KCTD8: variants seen among roughly 807,000 people sequenced by gnomAD.
KCTD8 encodes BTB/POZ domain-containing protein KCTD8.
In KCTD8, 27 loss-of-function variants were observed where a neutral mutation model predicts 31.5. That is an observed-to-expected ratio of 0.86 (90% confidence interval 0.63 to 1.18). The LOEUF is 1.18. Ranked by LOEUF, KCTD8 falls within the 50% of genes most tolerant of loss-of-function variation. The probability of loss-of-function intolerance (pLI) is 0.00; values close to 1 mark genes in which losing one functional copy is unlikely to be tolerated. For missense variants in KCTD8, 658 were observed against 647.7 expected, an observed-to-expected ratio of 1.02 and a Z score of -0.17; for synonymous variants, 290 against 280.0, an observed-to-expected ratio of 1.04 and a Z score of -0.36.
chr4:44,218,559 C>T (rs901528605), intron 1 of KCTD8, among the ~76,000 whole-genome samples: 14 of 149,264 alleles, frequency 9.4e-5, no homozygotes, highest in Admixed American at 6.7e-4. Flanking sequence ...TCTCATGTAA[C>T]CCATAAATAT....
chr4:44,363,416 C>T lies in KCTD8; in HGVS notation c.961+84147G>A, dbSNP rs903705619. On this transcript the variant is annotated intron_variant, in intron 1 of 1. Coordinates refer to ENST00000360029, the MANE Select transcript of KCTD8 (RefSeq NM_198353.3). Reference sequence around the variant, plus strand: ...GATCAGGAGGAGCTCAGGCAACTAGCTGAAAACTCTGCTTCCAGCATCAAA... The same window carrying T: ...GATCAGGAGGAGCTCAGGCAACTAGTTGAAAACTCTGCTTCCAGCATCAAA... Among the ~76,000 whole-genome samples, 46 of 152,176 alleles carry T rather than the reference C, an allele frequency of 3.0e-4. 1 individual carries two copies. Among genetic ancestry groups the T allele is most frequent in the African/African-American group, 9.6e-4 (40 of 41,452 alleles).
intron 1 of KCTD8, among the ~76,000 whole-genome samples, chr4:44,266,995 AG>A (rs1343127018): frequency 6.6e-6 from 1 of 152,142 alleles, no homozygotes; most frequent in Admixed American, 6.5e-5. Flanking sequence ...CGAGACAAAA[AG>A]TTAACAAGGA....
chr4:44,284,158 G>T (rs1253999301), intron 1 of KCTD8, among the ~76,000 whole-genome samples: 1 of 152,000 alleles, frequency 6.6e-6, no homozygotes. Context: ...CCAAAAAAGA[G>T]CCCACATAGC....
At chr4:44,407,410 A>G (rs1720827364) in intron 1 of KCTD8, among the ~76,000 whole-genome samples, 1 of 144,820 alleles carries the variant, frequency 6.9e-6, no homozygotes, top group African/African-American at 2.6e-5. Flanking sequence ...TTTTGGAGAT[A>G]CAGTTTCACT....
At chr4:44,427,020 T>C (rs1335077907) in intron 1 of KCTD8, among the ~76,000 whole-genome samples, 1 of 151,704 alleles carries the variant, frequency 6.6e-6, no homozygotes, top group Non-Finnish European at 1.5e-5. Flanking sequence ...CAATTCACTA[T>C]ACTAGTAGAC....
chr4:44,437,136 A>G (rs1721672766), intron 1 of KCTD8, among the ~76,000 whole-genome samples: 1 of 151,690 alleles, frequency 6.6e-6, no homozygotes, highest in Non-Finnish European at 1.5e-5. Context: ...AAAGCAACTC[A>G]CAAGTCCCAT....
chr4:44,246,143 C>G (rs766362169), intron 1 of KCTD8, among the ~76,000 whole-genome samples: 21 of 152,030 alleles, frequency 1.4e-4, no homozygotes, highest in Non-Finnish European at 1.6e-4. Flanking sequence ...TCCTTCTAAT[C>G]TATCCTAACA....
At chr4:44,407,151 A>T (rs774889818) in intron 1 of KCTD8, among the ~76,000 whole-genome samples, 1 of 152,060 alleles carries the variant, frequency 6.6e-6, no homozygotes, top group Non-Finnish European at 1.5e-5. Context: ...TATTATCATG[A>T]TTCTTCCAAT....
intron 1 of KCTD8, among the ~76,000 whole-genome samples, chr4:44,243,461 T>C (rs1038553296): frequency 3.3e-5 from 5 of 152,220 alleles, no homozygotes; most frequent in South Asian, 2.1e-4. Context: ...CCTCTGAGAC[T>C]ATATGCATAC....
At chr4:44,227,906 C>T (rs962803723) in intron 1 of KCTD8, among the ~76,000 whole-genome samples, 16 of 152,274 alleles carry the variant, frequency 1.1e-4, no homozygotes, top group African/African-American at 1.9e-4. Flanking sequence ...ATATTTCATA[C>T]TCCTGTCATT....
At chr4:44,357,321 T>C (rs1036721748) in intron 1 of KCTD8, among the ~76,000 whole-genome samples, 2 of 152,198 alleles carry the variant, frequency 1.3e-5, no homozygotes, top group Admixed American at 1.3e-4. Flanking sequence ...TCTCCTTTTC[T>C]CCCTTCTCTT....
intron 1 of KCTD8, among the ~76,000 whole-genome samples, chr4:44,276,088 A>G (rs918062558): frequency 2.6e-5 from 4 of 152,016 alleles, no homozygotes; most frequent in African/African-American, 9.7e-5. Context: ...GGTAGAAGCC[A>G]TCTGACCTGG....
chr4:44,401,151 C>A (rs973703624), intron 1 of KCTD8, among the ~76,000 whole-genome samples: 4 of 151,430 alleles, frequency 2.6e-5, no homozygotes, highest in African/African-American at 9.7e-5. Context: ...CCATGCCCAG[C>A]CAATTTTTTT....
At chr4:44,217,243 T>C (rs1440225609) in intron 1 of KCTD8, among the ~76,000 whole-genome samples, 1 of 152,094 alleles carries the variant, frequency 6.6e-6, no homozygotes, top group Non-Finnish European at 1.5e-5. Flanking sequence ...CCAAAATCAT[T>C]TTAAAAAGAA....
At chr4:44,317,314 A>T (rs1718163282) in intron 1 of KCTD8, among the ~76,000 whole-genome samples, 1 of 115,944 alleles carries the variant, frequency 8.6e-6, no homozygotes, top group Non-Finnish European at 1.6e-5. Flanking sequence ...ATCTCGGCTC[A>T]CTGCAAGCTC....
chr4:44,192,926 C>A (rs1484399979), intron 1 of KCTD8, among the ~76,000 whole-genome samples: 3 of 152,190 alleles, frequency 2.0e-5, no homozygotes, highest in African/African-American at 7.2e-5. Flanking sequence ...ACATCAGACT[C>A]CAAGTTCTTC....
At chr4:44,183,439 TA>T (rs1188730123) in intron 1 of KCTD8, among the ~76,000 whole-genome samples, 5 of 152,184 alleles carry the variant, frequency 3.3e-5, no homozygotes, top group Admixed American at 3.3e-4. Context: ...AAAAACATTA[TA>T]TTAAGTAAAA....
chr4:44,174,643 C>A lies in KCTD8; in HGVS notation c.*147G>T. ...TTTCTAAAAAGAACAACAACTAAAA[C>A]ATAAAAGAAAATACTGTCCCACATC... On this transcript the variant is annotated 3_prime_UTR_variant, in exon 2 of 2. Coordinates refer to ENST00000360029, the MANE Select transcript of KCTD8 (RefSeq NM_198353.3). The A allele has an allele frequency of 1.8e-6, 1 of 545,260 alleles. No individual in the cohort carries two copies. The highest frequency in any genetic ancestry group is 3.6e-5 in the Admixed American group (1 of 27,788). The allele number at this position is 545,260 out of a possible 1,614,324, so 33.8% of individuals were successfully genotyped here. A position where few individuals can be genotyped will look rare whatever the true frequency, so the allele number is the denominator to read the frequency against.
At chr4:44,254,896 T>C (rs1715948211) in intron 1 of KCTD8, among the ~76,000 whole-genome samples, 1 of 151,870 alleles carries the variant, frequency 6.6e-6, no homozygotes, top group Admixed American at 6.6e-5. Flanking sequence ...TCTGGGCTTA[T>C]TTTTGTGGGA....
Sources: allele counts gnomAD v4.1 joint callset (sites outside exome capture counted in the v4.1 genomes callset), GRCh38; gene constraint gnomAD v4.1.1; transcripts MANE v1.5; gene names NCBI Gene and HGNC (gene_info 2026-07-23, HGNC 2026-07-21).